The following ACO2 variants were observed in gnomAD, a reference collection of about 807,000 sequenced individuals.
ACO2 encodes the protein aconitate hydratase, mitochondrial.
Under a neutral mutation model 84.5 loss-of-function variants are expected in ACO2, and 31 were observed. The observed-to-expected ratio is 0.37, with a 90% CI of 0.28 to 0.50. The LOEUF is 0.50. ACO2 is among the 20% of genes least tolerant of loss of function. The pLI is 0.97. For missense variants in ACO2, 685 were observed against 1,029.3 expected (o/e 0.67, Z 4.58); for synonymous variants, 414 against 412.7 (o/e 1.00, Z -0.04).
At chr22:41,526,191 C>A (rs1343782219) in intron 14 of ACO2, 71 bp from the exon 15 acceptor site, 2 of 1,436,512 alleles carry the variant, frequency 1.4e-6, no homozygotes, top group Admixed American at 2.0e-5. Flanking sequence ...TGCTGCCTGC[C>A]TCTGGAGGGC....
At chr22:41,526,234 C>A in intron 14 of ACO2, 28 bp from the exon 15 acceptor site, 4 of 1,602,008 alleles carry the variant, frequency 2.5e-6, no homozygotes, top group Non-Finnish European at 3.4e-6. Flanking sequence ...CATGCCCTGA[C>A]CTCTGTCCTC....
intron 15 of ACO2, chr22:41,526,873 G>A: frequency 3.2e-6 from 1 of 312,154 alleles, no homozygotes; most frequent in Non-Finnish European, 6.0e-6. Context: ...TCCTGGCCCA[G>A]CCGGGTGAAA....
chr22:41,509,474 C>T (rs1021344439), intron 3 of ACO2, among the ~76,000 whole-genome samples: 5 of 151,948 alleles, frequency 3.3e-5, no homozygotes, highest in South Asian at 2.1e-4. Context: ...AGGGAAAGTG[C>T]GGGACTTGGT....
At chr22:41,514,040 G>T (rs1430380898) in intron 4 of ACO2, among the ~76,000 whole-genome samples, 1 of 152,222 alleles carries the variant, frequency 6.6e-6, no homozygotes, top group Non-Finnish European at 1.5e-5. Context: ...GCTCTTTAGG[G>T]ATGCACTAGT....
At chr22:41,497,149 A>G (rs914944160) in intron 1 of ACO2, among the ~76,000 whole-genome samples, 2 of 151,462 alleles carry the variant, frequency 1.3e-5, no homozygotes, top group Non-Finnish European at 2.9e-5. Flanking sequence ...GCTCACTGCA[A>G]CCTCTGCCCC....
chr22:41,515,112 A>G lies in ACO2; in HGVS notation c.526-265A>G, dbSNP rs2066465331. ...TTTGGTTACTGTGCTACAAATGAGG[A>G]AACTGAGGCATGGGGCAGCATTCAA... On this transcript the variant is annotated intron_variant, in intron 4 of 17. Transcript: ENST00000216254. This position sits in a 1 kb window ranked among gnomAD's most constrained non-coding sequence, Gnocchi z 5.8. 6.6e-6 allele frequency among the ~76,000 whole-genome samples: 1 copy of G among 152,222 alleles called. No homozygotes were observed. Among genetic ancestry groups the G allele is most frequent in the Non-Finnish European group, 1.5e-5 (1 of 68,040 alleles).
rs1290242169 is a variant in ACO2 at position 41,501,574 on chromosome 22, T to C, written c.173+1712T>C. ...TGATTGGAACCTGAACAACTGCAGA[T>C]GGGGCTGTGCCCTTGCCTGCCTGGT... On this transcript the variant is annotated intron_variant, in intron 2 of 17. Coordinates refer to ENST00000216254, the MANE Select transcript of ACO2 (RefSeq NM_001098.3). 8.5e-5 allele frequency among the ~76,000 whole-genome samples: 13 copies of C among 152,314 alleles called. 1 individual carries two copies. Among genetic ancestry groups the C allele is most frequent in the Admixed American group, 8.5e-4 (13 of 15,296 alleles).
intron 1 of ACO2, among the ~76,000 whole-genome samples, chr22:41,493,082 G>T (rs1459404052): frequency 1.3e-5 from 2 of 152,212 alleles, no homozygotes; most frequent in African/African-American, 4.8e-5. Flanking sequence ...CAAGAGAGAG[G>T]GGAGGAAGGG....
intron 1 of ACO2, among the ~76,000 whole-genome samples, chr22:41,493,432 A>G (rs1185030767): frequency 6.6e-6 from 1 of 152,172 alleles, no homozygotes; most frequent in Non-Finnish European, 1.5e-5. Context: ...CATTTCATGC[A>G]CTACAGCCTC....
intron 1 of ACO2, chr22:41,469,566 T>C: frequency 4.8e-6 from 1 of 209,288 alleles, no homozygotes; most frequent in Non-Finnish European, 9.5e-6. Flanking sequence ...GCCCAGTTCC[T>C]GAGGCCTCAC....
chr22:41,473,066 C>T (rs761132561), intron 1 of ACO2, among the ~76,000 whole-genome samples: 11 of 152,194 alleles, frequency 7.2e-5, no homozygotes, highest in Admixed American at 2.6e-4. Context: ...TGATAACCTT[C>T]GCAGATATCA....
rs926246283 is a variant in ACO2, at chr22:41,504,711, CTTTTTTTTTTTTTTT to C, written c.174-3064_174-3050del. Among the ~76,000 whole-genome samples the C allele has an allele frequency of 1.9e-4, 9 of 48,604 alleles. 1 individual carries two copies. Among genetic ancestry groups the C allele is most frequent in the African/African-American group, 5.4e-4 (7 of 12,910 alleles). The allele number at this position is 48,604 out of a possible 152,430, so 31.9% of individuals were successfully genotyped here. A position where few individuals can be genotyped will look rare whatever the true frequency, so the allele number is the denominator to read the frequency against. On this transcript the variant is annotated intron_variant, in intron 2 of 17. Coordinates refer to ENST00000216254, the MANE Select transcript of ACO2 (RefSeq NM_001098.3). ...GCCAGCAGATCCAGCACCTTAGGGA[CTTTTTTTTTTTTTTT>C]TTTTTTTTTTTTTTTGAGGTAGGGT...
chr22:41,472,666 G>C (rs771132181), intron 1 of ACO2, among the ~76,000 whole-genome samples: 6 of 152,154 alleles, frequency 3.9e-5, no homozygotes, highest in Non-Finnish European at 7.3e-5. Flanking sequence ...GCCCAGGCTA[G>C]TCTCAAATTC....
At chr22:41,511,281 T>C (rs203321) in intron 3 of ACO2, among the ~76,000 whole-genome samples, 149,710 of 152,344 alleles carry the variant, frequency 0.98, 73,571 homozygotes, top group Middle Eastern at 1. Context: ...AACCAATTCT[T>C]GTGCCTCAGC....
chr22:41,508,973 T>G (rs2066414538), intron 3 of ACO2, among the ~76,000 whole-genome samples: 1 of 152,168 alleles, frequency 6.6e-6, no homozygotes, highest in African/African-American at 2.4e-5. Flanking sequence ...GCGCTCTCAC[T>G]CAGACCCTCT....
At chr22:41,484,196 A>G (rs2038122984) in intron 1 of ACO2, among the ~76,000 whole-genome samples, 1 of 152,252 alleles carries the variant, frequency 6.6e-6, no homozygotes, top group Non-Finnish European at 1.5e-5. Context: ...ATTAAAAACA[A>G]AAGTATCAAA....
intron 1 of ACO2, among the ~76,000 whole-genome samples, chr22:41,498,716 GTTC>G (rs1443189709): frequency 1.3e-5 from 2 of 152,304 alleles, no homozygotes; most frequent in South Asian, 2.1e-4. Context: ...GGCAGAAGCT[GTTC>G]TTCTTATGAC....
chr22:41,527,765 G>A, intron 16 of ACO2, 136 bp from the exon 17 acceptor site: 2 of 1,436,826 alleles, frequency 1.4e-6, no homozygotes, highest in Non-Finnish European at 1.9e-6. Flanking sequence ...AGCAGACCAG[G>A]GCCCCATAGT....
chr22:41,507,724 G>A, intron 2 of ACO2, 67 bp from the exon 3 acceptor site: 1 of 1,559,928 alleles, frequency 6.4e-7, no homozygotes, highest in Non-Finnish European at 8.7e-7. Flanking sequence ...GGACTGAGAG[G>A]GAGAGGCAGG....
Sources: allele counts gnomAD v4.1 joint callset (sites outside exome capture counted in the v4.1 genomes callset), GRCh38; gene constraint gnomAD v4.1.1; non-coding constraint Gnocchi (gnomAD v3.1); transcripts MANE v1.5; gene names NCBI Gene and HGNC (gene_info 2026-07-23, HGNC 2026-07-21).